Variants in UTRN observed in about 807,000 individuals in gnomAD.
The protein encoded by UTRN is dystrophin-related protein 1.
UTRN carries 283 observed loss-of-function variants against 463.9 expected under a neutral mutation model. The ratio of observed to expected loss-of-function variants is 0.61; its 90% CI spans 0.55 to 0.67. The LOEUF is 0.67. Ranked by LOEUF, UTRN falls within the 30% of genes least tolerant of loss-of-function variation. The probability of loss-of-function intolerance (pLI) is 0.00; values close to 1 mark genes in which losing one functional copy is unlikely to be tolerated. For synonymous variants in UTRN, 1,442 were observed against 1,431.5 expected (o/e 1.01, Z -0.17); for missense variants, 3,922 against 4,084.3 (o/e 0.96, Z 1.08).
At chr6:144,670,692 G>C (rs1780919241) in intron 51 of UTRN, among the ~76,000 whole-genome samples, 1 of 151,900 alleles carries the variant, frequency 6.6e-6, no homozygotes. Context: ...TTGGGTTCTT[G>C]GTCATGAAGT....
At chr6:144,524,317 A>G (rs1419213518) in intron 41 of UTRN, among the ~76,000 whole-genome samples, 1 of 152,170 alleles carries the variant, frequency 6.6e-6, no homozygotes, top group Non-Finnish European at 1.5e-5. Context: ...TTTCTTTAAA[A>G]ATAATGACAT....
chr6:144,741,436 C>T lies in UTRN; in HGVS notation c.7940-6810C>T, dbSNP rs558780110. 6.5e-4 allele frequency among the ~76,000 whole-genome samples: 99 copies of T among 152,212 alleles called. 2 individuals carry two copies. The South Asian group carries it at 0.02, about 31-fold the overall frequency. ...TCTTTTTCTAGTTAAAGATATTGTA[C>T]AGAGATTGATTTATGCATTTAACAA... On this transcript the variant is annotated intron_variant, in intron 54 of 74. Transcript: ENST00000367545.
At chr6:144,495,171 C>A (rs1793490879) in intron 33 of UTRN, among the ~76,000 whole-genome samples, 1 of 152,082 alleles carries the variant, frequency 6.6e-6, no homozygotes, top group South Asian at 2.1e-4. Context: ...CTTGGGTGGT[C>A]AATGGGAGTG....
At chr6:144,831,863 G>A (rs1220792392) in intron 69 of UTRN, among the ~76,000 whole-genome samples, 1 of 152,148 alleles carries the variant, frequency 6.6e-6, no homozygotes, top group African/African-American at 2.4e-5. Flanking sequence ...ATTGCAGTTT[G>A]CAAATCTGAA....
Position 144,444,352 on chromosome 6 carries a change from T to C in UTRN, c.1584T>C (p.Asn528=). The C allele has an allele frequency of 1.2e-6, 2 of 1,610,344 alleles. No individual in the cohort carries two copies. Among genetic ancestry groups the C allele is most frequent in the Non-Finnish European group, 8.5e-7 (1 of 1,177,770 alleles). ...EERWNRLQEI[N]ILWQELLEEQ... The stretch of plus-strand genomic sequence containing the variant: ...GCTGGAATAGGTTACAAGAAATCAA[T>C]ATATTGTGGCAGGAATTATTGGAAG... Residue 528 remains asparagine, a synonymous_variant, in exon 14 of 75, where the codon AAT becomes AAC. Coordinates refer to ENST00000367545, the MANE Select transcript of UTRN (RefSeq NM_007124.3).
intron 46 of UTRN, among the ~76,000 whole-genome samples, chr6:144,545,585 T>G (rs922746216): frequency 1.3e-5 from 2 of 152,244 alleles, no homozygotes; most frequent in African/African-American, 4.8e-5. Flanking sequence ...TTTTCATGTT[T>G]CACATACTCA....
At chr6:144,444,911 G>A (rs534943138) in intron 14 of UTRN, among the ~76,000 whole-genome samples, 1 of 152,168 alleles carries the variant, frequency 6.6e-6, no homozygotes. Flanking sequence ...AAATGAATCT[G>A]TTGTACAAAG....
At chr6:144,555,692 A>G (rs961555172) in intron 49 of UTRN, among the ~76,000 whole-genome samples, 4 of 152,188 alleles carry the variant, frequency 2.6e-5, no homozygotes, top group Non-Finnish European at 5.9e-5. Context: ...TGGCCTCCCA[A>G]GTGTCACACA....
intron 41 of UTRN, among the ~76,000 whole-genome samples, chr6:144,529,389 A>G (rs999764721): frequency 9.9e-5 from 15 of 152,268 alleles, no homozygotes; most frequent in African/African-American, 3.4e-4. Flanking sequence ...AGTTCTTGGA[A>G]CAAAAGTCCA....
At chr6:144,290,265 G>A (rs1308684354) in intron 1 of UTRN, among the ~76,000 whole-genome samples, 2 of 152,086 alleles carry the variant, frequency 1.3e-5, no homozygotes, top group Admixed American at 1.3e-4. Flanking sequence ...ATCCTCAAAT[G>A]TTTTATTTTA....
At chr6:144,411,210 C>T (rs1175702991) in intron 3 of UTRN, among the ~76,000 whole-genome samples, 5 of 152,310 alleles carry the variant, frequency 3.3e-5, no homozygotes, top group African/African-American at 4.8e-5. Context: ...ACTGCATCCT[C>T]GCCAACATCT....
chr6:144,411,428 A>C (rs545143104), intron 3 of UTRN, among the ~76,000 whole-genome samples: 7 of 152,128 alleles, frequency 4.6e-5, no homozygotes, highest in Non-Finnish European at 8.8e-5. Flanking sequence ...GTCAGAGCTT[A>C]TTCAGCCTCC....
intron 54 of UTRN, among the ~76,000 whole-genome samples, chr6:144,740,795 A>T (rs1789971323): frequency 6.6e-6 from 1 of 152,240 alleles, no homozygotes; most frequent in African/African-American, 2.4e-5. Context: ...TCTCATTTAA[A>T]TAAACAATAG....
intron 51 of UTRN, among the ~76,000 whole-genome samples, chr6:144,636,471 C>T (rs184529577): frequency 1.6e-4 from 24 of 152,142 alleles, no homozygotes; most frequent in African/African-American, 4.3e-4. Context: ...CGCAGCAAAC[C>T]GCCATGACAT....
In UTRN at chr6:144,482,408, G is replaced by GTTATTATTATTATTA. The variant is rs200321832; in HGVS notation, c.3687+22_3687+23insATTATTATTATTATT. Reference sequence around the variant, plus strand: ...CTAGAGGTATGCTATTATTATTATTGTTGTTATTATTATTATTATTATTAT... The same window carrying GTTATTATTATTATTA: ...CTAGAGGTATGCTATTATTATTATTGTTATTATTATTATTATTGTTATTATTATTATTATTATTAT... On this transcript the variant is annotated intron_variant, in intron 27 of 74. Coordinates refer to ENST00000367545, the MANE Select transcript of UTRN (RefSeq NM_007124.3). The GTTATTATTATTATTA allele has an allele frequency of 4.8e-5, 55 of 1,139,892 alleles. No homozygotes were observed. In the African/African-American group the frequency reaches 8.2e-4, roughly 17 times the overall value. 70.6% of individuals were successfully genotyped at this position (1,139,892 alleles called of 1,614,324 possible). A position where few individuals can be genotyped will look rare whatever the true frequency, so the allele number is the denominator to read the frequency against.
At chr6:144,443,442 C>T (rs1350377557) in intron 13 of UTRN, among the ~76,000 whole-genome samples, 5 of 152,186 alleles carry the variant, frequency 3.3e-5, no homozygotes, top group Admixed American at 3.3e-4. Context: ...AATCTATCTT[C>T]TGGCTCTTAA....
chr6:144,668,959 A>G (rs1399010839), intron 51 of UTRN, among the ~76,000 whole-genome samples: 1 of 152,152 alleles, frequency 6.6e-6, no homozygotes, highest in African/African-American at 2.4e-5. Flanking sequence ...TTCTGCAGTG[A>G]GCTGTTTTAC....
rs150385677 is a variant in UTRN at position 144,782,069 on chromosome 6, A to G, written c.8780A>G (p.Asn2927Ser). 119 of 1,614,038 alleles carry G rather than the reference A, an allele frequency of 7.4e-5. No homozygotes were observed. The highest frequency in any genetic ancestry group is 1.5e-4 in the Admixed American group (9 of 60,014). ...GAGCAAATGCATAAGGACCTGGTCA[A>G]CGTTCCACTCTGTGTTGATATGTGT... ...GLEQMHKDLVNVPLCVDMCLN... is the reference protein window; with the variant it reads ...GLEQMHKDLVSVPLCVDMCLN... The change falls in exon 61 of 75, where the codon AAC becomes AGC. Residue 2927 changes from asparagine (N) to serine (S), a missense_variant. Physicochemically the swap from Asn to Ser is conservative, Grantham distance 46. Transcript: ENST00000367545.
At chr6:144,310,040 A>G (rs139403562) in intron 2 of UTRN, among the ~76,000 whole-genome samples, 6 of 152,286 alleles carry the variant, frequency 3.9e-5, no homozygotes, top group Non-Finnish European at 7.4e-5. Context: ...ATTTTTTCCC[A>G]TAGCACTTAC....
Sources: allele counts gnomAD v4.1 joint callset (sites outside exome capture counted in the v4.1 genomes callset), GRCh38; gene constraint gnomAD v4.1.1; transcripts MANE v1.5; gene names NCBI Gene and HGNC (gene_info 2026-07-23, HGNC 2026-07-21).